Variants in AOPEP observed in about 807,000 individuals in gnomAD.
The protein encoded by AOPEP is aminopeptidase O.
Under a neutral mutation model 98.1 loss-of-function variants are expected in AOPEP, and 77 were observed. The observed-to-expected ratio is 0.78, with a 90% CI of 0.65 to 0.95. The LOEUF (loss-of-function observed/expected upper bound fraction) is 0.95, where lower values mean the gene tolerates loss of function less well. Ranked by LOEUF, AOPEP falls within the 40% of genes least tolerant of loss-of-function variation. The pLI is 0.00. For synonymous variants in AOPEP, 346 were observed against 365.3 expected (o/e 0.95, Z 0.60); for missense variants, 1,024 against 1,024.7 (o/e 1.00, Z 0.01).
chr9:94,810,462 G>A (rs568627681), intron 5 of AOPEP, among the ~76,000 whole-genome samples: 3 of 151,782 alleles, frequency 2.0e-5, no homozygotes, highest in Admixed American at 1.3e-4. Flanking sequence ...TTACAGGTGC[G>A]CGCCACCACA....
chr9:94,781,697 A>G (rs1371824004), intron 3 of AOPEP, among the ~76,000 whole-genome samples: 2 of 151,128 alleles, frequency 1.3e-5, no homozygotes, highest in African/African-American at 2.4e-5. Context: ...AGTAGCTGGG[A>G]CTACAGGCAC....
At chr9:95,014,230 G>T (rs1355185534) in intron 13 of AOPEP, among the ~76,000 whole-genome samples, 1 of 152,124 alleles carries the variant, frequency 6.6e-6, no homozygotes, top group African/African-American at 2.4e-5. Flanking sequence ...ACTTTGGGAG[G>T]CCAGGGTGGA....
the AOPEP span, chr9:95,101,611 T>C: frequency 9.1e-3 from 13,460 of 1,485,946 alleles, 100 homozygotes; most frequent in South Asian, 0.01. Context: ...GCGAGGGCAC[T>C]TACTCCACAA....
At chr9:95,112,938 T>C in the AOPEP span, among the ~76,000 whole-genome samples, 2 of 152,214 alleles carry the variant, frequency 1.3e-5, no homozygotes, top group African/African-American at 2.4e-5. Context: ...TTCTGAGTGA[T>C]GGTGGAGAGG....
intron 11 of AOPEP, among the ~76,000 whole-genome samples, chr9:94,984,117 T>C (rs551573929): frequency 9.3e-5 from 14 of 151,314 alleles, no homozygotes; most frequent in African/African-American, 3.4e-4. Context: ...CACTGCAAGC[T>C]CCACCTCCCA....
intron 5 of AOPEP, 58 bp from the exon 6 acceptor site, chr9:94,923,928 T>C (rs2053952140): frequency 8.3e-7 from 1 of 1,199,106 alleles, no homozygotes; most frequent in Non-Finnish European, 1.1e-6. Flanking sequence ...CCCCATCGGA[T>C]GGCCATGAGG....
intron 1 of AOPEP, among the ~76,000 whole-genome samples, chr9:94,732,627 T>C (rs1213767809): frequency 1.3e-5 from 2 of 152,186 alleles, no homozygotes; most frequent in Admixed American, 6.5e-5. Context: ...GAAAAAGATA[T>C]TACCTCAAGA....
At chr9:94,904,386 C>T (rs1293861828) in intron 5 of AOPEP, 3 of 152,136 alleles carry the variant, frequency 2.0e-5, no homozygotes, top group Admixed American at 6.6e-5. Flanking sequence ...AAAAAAGTCA[C>T]GGAGAAACAT....
intron 3 of AOPEP, among the ~76,000 whole-genome samples, chr9:94,777,914 G>A (rs1464371133): frequency 2.0e-5 from 3 of 151,806 alleles, no homozygotes; most frequent in South Asian, 2.1e-4. Context: ...GTGAGCCACC[G>A]TGCCTGGCCT....
chr9:95,104,667 C>A, the AOPEP span, among the ~76,000 whole-genome samples: 10 of 152,178 alleles, frequency 6.6e-5, no homozygotes, highest in Admixed American at 2.0e-4. Flanking sequence ...GAAGCAGAGA[C>A]CTGGGTGTCT....
the AOPEP span, among the ~76,000 whole-genome samples, chr9:95,112,452 GTCC>G: frequency 6.6e-6 from 1 of 152,168 alleles, no homozygotes; most frequent in Admixed American, 6.5e-5. Flanking sequence ...GGACACTGCT[GTCC>G]TCCTGCCCCA....
chr9:95,046,289 C>G (rs1256378578), intron 13 of AOPEP, among the ~76,000 whole-genome samples: 3 of 152,208 alleles, frequency 2.0e-5, no homozygotes, highest in African/African-American at 7.2e-5. Context: ...ATTTGACCAA[C>G]TTAATCGGCA....
the AOPEP span, among the ~76,000 whole-genome samples, chr9:95,108,016 G>A: frequency 6.6e-5 from 10 of 152,164 alleles, no homozygotes; most frequent in South Asian, 4.1e-4. Flanking sequence ...AGCAAAAACC[G>A]AAAGCCCATA....
chr9:95,019,174 T>C (rs932701749), intron 13 of AOPEP: 2 of 152,194 alleles, frequency 1.3e-5, no homozygotes, highest in Non-Finnish European at 1.5e-5. Flanking sequence ...GCAGCAGTAC[T>C]TTATGAGTTG....
chr9:94,935,869 T>C (rs1191487687), intron 7 of AOPEP, among the ~76,000 whole-genome samples: 2 of 152,180 alleles, frequency 1.3e-5, no homozygotes, highest in African/African-American at 4.8e-5. Context: ...TCATCCCCTC[T>C]ACCCTGCTTC....
intron 13 of AOPEP, chr9:95,006,335 T>C: frequency 3.1e-6 from 1 of 321,232 alleles, no homozygotes; most frequent in Non-Finnish European, 6.1e-6. Context: ...TTTCACTGTT[T>C]TTTGATTCTT....
chr9:94,776,819 C>T (rs990264773), intron 3 of AOPEP, among the ~76,000 whole-genome samples: 2 of 151,876 alleles, frequency 1.3e-5, no homozygotes, highest in Admixed American at 6.6e-5. Flanking sequence ...CTAGGAATTA[C>T]TATTATTGTA....
intron 7 of AOPEP, among the ~76,000 whole-genome samples, chr9:94,937,116 G>T (rs2056385599): frequency 6.6e-6 from 1 of 152,186 alleles, no homozygotes; most frequent in South Asian, 2.1e-4. Flanking sequence ...CCGGAGATTG[G>T]GGGGCGGGGC....
At chr9:94,861,979 A>G (rs749559592) in intron 5 of AOPEP, among the ~76,000 whole-genome samples, 1 of 152,168 alleles carries the variant, frequency 6.6e-6, no homozygotes, top group Admixed American at 6.5e-5. Context: ...GGCTTTGTTT[A>G]TGAAAAGCAG....
Sources: allele counts gnomAD v4.1 joint callset (sites outside exome capture counted in the v4.1 genomes callset), GRCh38; gene constraint gnomAD v4.1.1; transcripts MANE v1.5; gene names NCBI Gene and HGNC (gene_info 2026-07-23, HGNC 2026-07-21).